Variants in SVEP1 observed in about 807,000 individuals in gnomAD.
The protein encoded by SVEP1 is sushi, von Willebrand factor type A, EGF and pentraxin domain-containing protein 1.
In SVEP1, 164 loss-of-function variants were observed where a neutral mutation model predicts 367.3. The observed-to-expected ratio is 0.45, with a 90% confidence interval of 0.39 to 0.51. SVEP1 has a LOEUF of 0.51. Among genes scored for constraint, SVEP1 ranks in the 20% least tolerant of loss-of-function variants. The probability of loss-of-function intolerance (pLI) is 0.00; values close to 1 mark genes in which losing one functional copy is unlikely to be tolerated. For synonymous variants in SVEP1, 1,666 were observed against 1,611.6 expected (o/e 1.03, Z -0.81); for missense variants, 4,117 against 4,425.3 (o/e 0.93, Z 1.98).
chr9:110,442,874 C>T (rs1828533203), intron 27 of SVEP1: 1 of 152,136 alleles, frequency 6.6e-6, no homozygotes, highest in Non-Finnish European at 1.5e-5. Flanking sequence ...GTATACGTAT[C>T]CTAGTTTCAT....
intron 27 of SVEP1, among the ~76,000 whole-genome samples, chr9:110,437,988 ATAAT>A (rs1207587463): frequency 6.6e-6 from 1 of 152,040 alleles, no homozygotes; most frequent in African/African-American, 2.4e-5. Context: ...TTACCTAGAA[ATAAT>A]TATTTAATAG....
chr9:110,403,853 C>CTTTT (rs11439177), intron 39 of SVEP1, among the ~76,000 whole-genome samples: 5 of 144,190 alleles, frequency 3.5e-5, no homozygotes, highest in Non-Finnish European at 7.6e-5. Flanking sequence ...TAATAATACA[C>CTTTT]TTTTTTTTTT....
intron 7 of SVEP1, among the ~76,000 whole-genome samples, chr9:110,497,142 C>A (rs1279721900): frequency 6.6e-6 from 1 of 152,186 alleles, no homozygotes; most frequent in African/African-American, 2.4e-5. Flanking sequence ...TACCTATTAA[C>A]CTCTTAGCCT....
intron 3 of SVEP1, among the ~76,000 whole-genome samples, chr9:110,532,728 G>A (rs770467147): frequency 8.6e-5 from 13 of 152,014 alleles, no homozygotes; most frequent in Non-Finnish European, 1.0e-4. Context: ...GATGTTTGTA[G>A]CCTCTCAGGG....
intron 3 of SVEP1, among the ~76,000 whole-genome samples, chr9:110,525,487 T>A (rs546699334): frequency 9.8e-5 from 15 of 152,310 alleles, no homozygotes; most frequent in Middle Eastern, 3.4e-3. Flanking sequence ...GGTAAAAATG[T>A]TAATTCTTCC....
intron 9 of SVEP1, among the ~76,000 whole-genome samples, chr9:110,489,027 C>A (rs10759433): frequency 0.86 from 131,069 of 152,258 alleles, 56,579 homozygotes; most frequent in East Asian, 0.99. Context: ...TGGGTGACTC[C>A]GAATAAATGG....
intron 43 of SVEP1, 23 bp from the exon 44 acceptor site, chr9:110,379,540 T>G: frequency 6.2e-7 from 1 of 1,612,208 alleles, no homozygotes; most frequent in Non-Finnish European, 8.5e-7. Context: ...AAAACAACAA[T>G]TAAGCTTGTG....
In SVEP1 at chr9:110,458,481, A is replaced by T; in HGVS notation, c.3566T>A (p.Ile1189Asn). 6.2e-7 allele frequency: 1 copy of T among 1,612,382 alleles called. No individual in the cohort carries two copies. Among genetic ancestry groups the T allele is most frequent in the South Asian group, 1.1e-5 (1 of 90,580 alleles). ...SLGHIKKRHE[I>N]SSQVFHECFF... ...GCAAAATGAACTTGCCTGACTGCTG[A>T]TTTCATGCCTCTTTTTAATATGTCC... Residue 1189 changes from isoleucine (I) to asparagine (N), a missense_variant, in exon 20 of 48, where the codon ATC becomes AAC. Physicochemically the swap from Ile to Asn is moderately radical, Grantham distance 149. Around this residue, in one of 4 missense-constraint regions of SVEP1, gnomAD observed 2,174 missense variants for 2,494.3 expected, o/e 0.87. Transcript: ENST00000374469.
chr9:110,391,770 T>C (rs927049090), intron 40 of SVEP1, among the ~76,000 whole-genome samples: 2 of 152,128 alleles, frequency 1.3e-5, no homozygotes, highest in African/African-American at 2.4e-5. Flanking sequence ...GGTGCCCAGC[T>C]TAAACACTGC....
At chr9:110,411,831 C>T in intron 36 of SVEP1, 96 bp from the exon 37 acceptor site, 1 of 1,151,596 alleles carries the variant, frequency 8.7e-7, no homozygotes. Context: ...CCCACAATGA[C>T]TTTAAATTTA....
At chr9:110,524,103 A>G (rs2118797619) in intron 3 of SVEP1, among the ~76,000 whole-genome samples, 1 of 152,266 alleles carries the variant, frequency 6.6e-6, no homozygotes, top group African/African-American at 2.4e-5. Context: ...TAATTCATAC[A>G]GTATTAAAAA....
chr9:110,411,711 G>A lies in SVEP1; in HGVS notation c.6000C>T (p.Thr2000=), dbSNP rs553250505. The A allele has an allele frequency of 3.2e-6, 5 of 1,587,106 alleles. No individual in the cohort carries two copies. The African/African-American group carries it at 4.0e-5, about 13-fold the overall frequency. The change falls in exon 37 of 48, where the codon ACC becomes ACT. Residue 2000 remains threonine, a synonymous_variant. Transcript: ENST00000374469. The stretch of plus-strand genomic sequence containing the variant: ...ACTTGCCGTCGGCCAGGCATTCAAT[G>A]GTGTCAAGACCAGCAAGAGTATAGC... ...KEGYTLAGLD[T]IECLADGKWS...
Position 110,375,385 on chromosome 9 carries a change from C to T in SVEP1, c.10583G>A (p.Gly3528Glu). ...AGGCCTACCTGTATGACAGCGAGACCCCGTCCAGCCAGGCGGGCAGTCACA... is the reference window on the plus strand; with the variant it reads ...AGGCCTACCTGTATGACAGCGAGACTCCGTCCAGCCAGGCGGGCAGTCACA... ...YQCDCPPGWT[G>E]SRCHTAVCQS... is the part of the protein sequence containing the mutation. The change falls in exon 46 of 48, where the codon GGG (glycine) becomes GAG (glutamate). Residue 3528 changes from glycine to glutamate, a missense_variant. Around this residue, in one of 4 missense-constraint regions of SVEP1, gnomAD observed 1,765 missense variants for 1,781.1 expected, o/e 0.99. Transcript: ENST00000374469. 1 of 1,550,430 alleles carries T rather than the reference C, an allele frequency of 6.4e-7. No individual in the cohort carries two copies. Among genetic ancestry groups the T allele is most frequent in the Admixed American group, 2.0e-5 (1 of 50,832 alleles).
intron 5 of SVEP1, among the ~76,000 whole-genome samples, chr9:110,508,081 T>A (rs1588085492): frequency 6.6e-6 from 1 of 152,214 alleles, no homozygotes; most frequent in South Asian, 2.1e-4. Flanking sequence ...GGTACACACT[T>A]CTTAAAGAAT....
chr9:110,412,670 T>C, intron 36 of SVEP1, among the ~76,000 whole-genome samples: 1 of 146,650 alleles, frequency 6.8e-6, no homozygotes, highest in Non-Finnish European at 1.5e-5. Context: ...ATATCCAGAA[T>C]CTACAATGAA....
At chr9:110,557,319 A>G (rs1490230260) in intron 1 of SVEP1, among the ~76,000 whole-genome samples, 6 of 152,000 alleles carry the variant, frequency 3.9e-5, no homozygotes, top group Non-Finnish European at 7.4e-5. Context: ...TATTTTCCTT[A>G]TTACAATATT....
chr9:110,415,630 G>T (rs1489830590), intron 36 of SVEP1, among the ~76,000 whole-genome samples: 1 of 151,872 alleles, frequency 6.6e-6, no homozygotes, highest in African/African-American at 2.4e-5. Context: ...AACTCCTTGG[G>T]GAAAAGAAAT....
At chr9:110,471,723 AAAAT>A (rs1829020841) in intron 15 of SVEP1, 126 bp from the exon 16 acceptor site, 1 of 704,994 alleles carries the variant, frequency 1.4e-6, no homozygotes, top group Non-Finnish European at 2.3e-6. Flanking sequence ...CTATAGAAAA[AAAAT>A]AAAAATCTTT....
At chr9:110,544,419 T>TA (rs1410561810) in intron 3 of SVEP1, among the ~76,000 whole-genome samples, 5 of 151,968 alleles carry the variant, frequency 3.3e-5, no homozygotes, top group African/African-American at 1.2e-4. Flanking sequence ...GCTCTTTAGG[T>TA]AAAAAACAAA....
Sources: allele counts gnomAD v4.1 joint callset (sites outside exome capture counted in the v4.1 genomes callset), GRCh38; gene constraint gnomAD v4.1.1; regional missense constraint gnomAD v4.1.1; transcripts MANE v1.5; gene names NCBI Gene and HGNC (gene_info 2026-07-23, HGNC 2026-07-21).